Variants in SLC33A1 observed in about 807,000 individuals in gnomAD.
SLC33A1 encodes solute carrier family 33 member 1.
SLC33A1 carries 20 observed loss-of-function variants against 50.0 expected under a neutral mutation model. The observed-to-expected ratio is 0.40, with a 90% CI of 0.28 to 0.58. The LOEUF is 0.58. SLC33A1 is among the 20% of genes least tolerant of loss of function. SLC33A1 has a pLI of 0.44. For synonymous variants in SLC33A1, 265 were observed against 251.8 expected (o/e 1.05, Z -0.50); for missense variants, 476 against 657.0 (o/e 0.72, Z 3.01).
rs895774553 is a variant in SLC33A1, at chr3:155,821,807, C to G, written c.*6403G>C. The G allele has an allele frequency of 5.5e-5, 8 of 146,066 alleles. No individual in the cohort carries two copies. Among genetic ancestry groups the G allele is most frequent in the African/African-American group, 2.1e-4 (8 of 38,846 alleles). The allele number at this position is 146,066 out of a possible 1,614,324, so 9.0% of individuals were successfully genotyped here. ...TTTTTAATTGAGACTGAGTCTCACTCTATTGCCCAGGCTGGAGAATAGTAG... is the reference window on the plus strand; with the variant it reads ...TTTTTAATTGAGACTGAGTCTCACTGTATTGCCCAGGCTGGAGAATAGTAG... On this transcript the variant is annotated 3_prime_UTR_variant, in exon 6 of 6. Coordinates refer to ENST00000643144, the MANE Select transcript of SLC33A1 (RefSeq NM_004733.4).
rs1458970477 is a variant in SLC33A1 at position 155,822,604 on chromosome 3, G to C, written c.*5606C>G. ...AAAAAAAAAAAAAAAAGAAATTTAA[G>C]ATAACTCCCTAAGGATTGTACCTGT... On this transcript the variant is annotated 3_prime_UTR_variant, in exon 6 of 6. Transcript: ENST00000643144. 2 of 146,654 alleles carry C rather than the reference G, an allele frequency of 1.4e-5. No homozygotes were observed. The highest frequency in any genetic ancestry group is 5.0e-5 in the African/African-American group (2 of 39,752). The allele number at this position is 146,654 out of a possible 1,614,324, so 9.1% of individuals were successfully genotyped here. A position where few individuals can be genotyped will look rare whatever the true frequency, so the allele number is the denominator to read the frequency against.
intron 5 of SLC33A1, among the ~76,000 whole-genome samples, chr3:155,828,692 CA>C (rs1341457109): frequency 7.2e-5 from 11 of 152,116 alleles, no homozygotes; most frequent in African/African-American, 2.4e-4. Flanking sequence ...TGGGCTCAAG[CA>C]ATCCTCCCAC....
At position 155,853,847 on chromosome 3, in the gene SLC33A1, C is replaced by G. The variant is rs931321370; in HGVS notation, c.151G>C (p.Ala51Pro). The G allele has an allele frequency of 1.9e-6, 3 of 1,594,232 alleles. No homozygotes were observed. In the African/African-American group the frequency reaches 4.1e-5, roughly 22 times the overall value. ...CCAGTGCCGGTATCCCCCAGAAGAGCTTCTCTGTCCCCTTCCCGGCCCGCT... is the reference window on the plus strand; with the variant it reads ...CCAGTGCCGGTATCCCCCAGAAGAGGTTCTCTGTCCCCTTCCCGGCCCGCT... ...DSAGREGDREALLGDTGTGDF... is the reference protein window; with the variant it reads ...DSAGREGDREPLLGDTGTGDF... Residue 51 changes from alanine to proline, a missense_variant, in exon 1 of 6, where the codon GCT (alanine) becomes CCT (proline). Physicochemically the swap from Ala to Pro is conservative, Grantham distance 27. Coordinates refer to ENST00000643144, the MANE Select transcript of SLC33A1 (RefSeq NM_004733.4).
intron 1 of SLC33A1, among the ~76,000 whole-genome samples, chr3:155,852,700 T>C (rs945228097): frequency 6.6e-6 from 1 of 152,238 alleles, no homozygotes; most frequent in Non-Finnish European, 1.5e-5. Context: ...TCTCCTAAAA[T>C]GTTCATCTTC....
At chr3:155,837,731 A>G (rs557460267) in intron 2 of SLC33A1, among the ~76,000 whole-genome samples, 2 of 152,352 alleles carry the variant, frequency 1.3e-5, no homozygotes, top group African/African-American at 4.8e-5. Context: ...TTCCACAAAT[A>G]TAATATTAAG....
intron 1 of SLC33A1, among the ~76,000 whole-genome samples, chr3:155,844,265 GTTA>G (rs1394474261): frequency 6.6e-6 from 1 of 151,610 alleles, no homozygotes; most frequent in Admixed American, 6.6e-5. Flanking sequence ...CTAAGCATGT[GTTA>G]TTATTAAATA....
intron 2 of SLC33A1, among the ~76,000 whole-genome samples, chr3:155,836,692 C>T (rs1188800653): frequency 2.6e-5 from 4 of 152,080 alleles, no homozygotes; most frequent in Admixed American, 2.0e-4. Flanking sequence ...AGCCCAGAAG[C>T]TCAAGACCAG....
Position 155,826,447 on chromosome 3 carries a change from A to C in SLC33A1, c.*1763T>G, listed in dbSNP as rs1054084105. ...TATAATTTGTAATAATATACACGGG[A>C]AGAAATAAAAGGTTATTATGGCAAT... On this transcript the variant is annotated 3_prime_UTR_variant, in exon 6 of 6. Coordinates refer to ENST00000643144, the MANE Select transcript of SLC33A1 (RefSeq NM_004733.4). The C allele has an allele frequency of 3.3e-5, 5 of 152,108 alleles. No individual in the cohort carries two copies. The highest frequency in any genetic ancestry group is 1.2e-4 in the African/African-American group (5 of 41,424). The allele number at this position is 152,108 out of a possible 1,614,324, so 9.4% of individuals were successfully genotyped here.
Position 155,853,343 on chromosome 3 carries a change from C to T in SLC33A1, c.655G>A (p.Val219Met), listed in dbSNP as rs1203166075. Reference protein sequence around the residue: ...NVGYASTCNSVGQTAGYFLGN... With the variant: ...NVGYASTCNSMGQTAGYFLGN... ...AAAAAGTAACCCGCTGTTTGGCCCA[C>T]CGAATTGCAAGTAGAAGCATAACCC... The change falls in exon 1 of 6, where the codon GTG (valine) becomes ATG (methionine). Residue 219 changes from valine (V) to methionine (M), a missense_variant. By Grantham distance (21) the Val-to-Met change is conservative. Coordinates refer to ENST00000643144, the MANE Select transcript of SLC33A1 (RefSeq NM_004733.4). The T allele has an allele frequency of 1.2e-6, 2 of 1,614,076 alleles. No homozygotes were observed. Among genetic ancestry groups the T allele is most frequent in the Admixed American group, 1.7e-5 (1 of 60,006 alleles).
intron 1 of SLC33A1, among the ~76,000 whole-genome samples, chr3:155,848,269 G>A (rs1200691570): frequency 1.3e-5 from 2 of 152,190 alleles, no homozygotes; most frequent in Non-Finnish European, 2.9e-5. Flanking sequence ...TCAAGTGGCA[G>A]GAACTACAGA....
At chr3:155,829,148 C>G (rs941924505) in intron 5 of SLC33A1, among the ~76,000 whole-genome samples, 3 of 152,062 alleles carry the variant, frequency 2.0e-5, no homozygotes, top group African/African-American at 7.2e-5. Context: ...GCAATCCACC[C>G]GCCTTAGCCT....
chr3:155,834,942 T>G (rs1752589433), intron 2 of SLC33A1, among the ~76,000 whole-genome samples: 1 of 152,172 alleles, frequency 6.6e-6, no homozygotes, highest in East Asian at 1.9e-4. Context: ...TGAAAGGCCA[T>G]ACCAACTGAA....
At chr3:155,832,852 A>T (rs1386300131) in intron 4 of SLC33A1, among the ~76,000 whole-genome samples, 10 of 152,170 alleles carry the variant, frequency 6.6e-5, no homozygotes, top group Admixed American at 1.3e-4. Flanking sequence ...CTAGGGATAA[A>T]CTGAGAAATA....
Position 155,823,227 on chromosome 3 carries a change from A to T in SLC33A1, c.*4983T>A, listed in dbSNP as rs1429205646. On this transcript the variant is annotated 3_prime_UTR_variant, in exon 6 of 6. Coordinates refer to ENST00000643144, the MANE Select transcript of SLC33A1 (RefSeq NM_004733.4). ...TTCCAATAAGGAAAATAAGCTATCCATGCTGATTCTACCTTGCTAGCAAAT... is the reference window on the plus strand; with the variant it reads ...TTCCAATAAGGAAAATAAGCTATCCTTGCTGATTCTACCTTGCTAGCAAAT... 1 of 152,234 alleles carries T rather than the reference A, an allele frequency of 6.6e-6. No individual in the cohort carries two copies. The highest frequency in any genetic ancestry group is 1.5e-5 in the Non-Finnish European group (1 of 68,054). 9.4% of individuals were successfully genotyped at this position (152,234 alleles called of 1,614,324 possible).
At chr3:155,829,952 G>T in intron 4 of SLC33A1, 49 bp from the exon 5 acceptor site, 2 of 1,201,952 alleles carry the variant, frequency 1.7e-6, no homozygotes, top group South Asian at 1.2e-5. Context: ...AGCTTATAAA[G>T]CTACAGTCTA....
rs1161151900 is a variant in SLC33A1 at position 155,824,593 on chromosome 3, T to G, written c.*3617A>C. On this transcript the variant is annotated 3_prime_UTR_variant, in exon 6 of 6. Transcript: ENST00000643144. Reference sequence around the variant, plus strand: ...AACATATGCAGAGATTTTATAGTTTTTATCATAGATTTTTTTTTTCAACAT... The same window carrying G: ...AACATATGCAGAGATTTTATAGTTTGTATCATAGATTTTTTTTTTCAACAT... The G allele has an allele frequency of 4.1e-5, 6 of 147,900 alleles. No individual in the cohort carries two copies. In the Admixed American group the frequency reaches 4.1e-4, roughly 10 times the overall value. 9.2% of individuals were successfully genotyped at this position (147,900 alleles called of 1,614,324 possible).
At chr3:155,847,561 A>G (rs1280650831) in intron 1 of SLC33A1, among the ~76,000 whole-genome samples, 3 of 152,048 alleles carry the variant, frequency 2.0e-5, no homozygotes, top group African/African-American at 4.8e-5. Context: ...CCTGACCAAC[A>G]TGGTGAAACC....
At chr3:155,848,850 T>C (rs1753284518) in intron 1 of SLC33A1, among the ~76,000 whole-genome samples, 1 of 152,180 alleles carries the variant, frequency 6.6e-6, no homozygotes, top group Non-Finnish European at 1.5e-5. Flanking sequence ...CCCAATATAT[T>C]CCATCTCCAT....
intron 1 of SLC33A1, among the ~76,000 whole-genome samples, chr3:155,847,534 C>A (rs1272682533): frequency 6.6e-6 from 1 of 152,028 alleles, no homozygotes; most frequent in Non-Finnish European, 1.5e-5. Flanking sequence ...CACCTGAGGT[C>A]AGGAGTTCGA....
Sources: allele counts gnomAD v4.1 joint callset (sites outside exome capture counted in the v4.1 genomes callset), GRCh38; gene constraint gnomAD v4.1.1; transcripts MANE v1.5; gene names NCBI Gene and HGNC (gene_info 2026-07-23, HGNC 2026-07-21).